The following ITGA11 variants were observed in gnomAD, a reference collection of about 807,000 sequenced individuals.
The protein encoded by ITGA11 is integrin subunit alpha 11, also known as integrin alpha-11.
A neutral mutation model predicts 141.9 loss-of-function variants in ITGA11; 97 were observed. That is an observed-to-expected ratio of 0.68 (90% CI 0.58 to 0.81). ITGA11 has a LOEUF of 0.81. Ranked by LOEUF, ITGA11 falls within the 30% of genes least tolerant of loss-of-function variation. The pLI is 0.00. For missense variants in ITGA11, 1,387 were observed against 1,559.2 expected, an observed-to-expected ratio of 0.89 and a Z score of 1.86; for synonymous variants, 658 against 624.6, an observed-to-expected ratio of 1.05 and a Z score of -0.80.
At position 68,322,753 on chromosome 15, in the gene ITGA11, C is replaced by T. The variant is rs552423463; in HGVS notation, c.2323-1250G>A. Among the ~76,000 whole-genome samples, 120 of 151,532 alleles carry T rather than the reference C, an allele frequency of 7.9e-4. No individual in the cohort carries two copies. Among genetic ancestry groups the T allele is most frequent in the African/African-American group, 2.7e-3 (110 of 41,212 alleles). ...CGCAGTGGCTGCAGTCCCAGCTACT[C>T]GGGAGGCTGAGGCAGGAGAATTGCT... On this transcript the variant is annotated intron_variant, in intron 18 of 29. Transcript: ENST00000315757. The surrounding 1 kb of genome is among the most constrained non-coding windows in gnomAD (Gnocchi z 5.6).
chr15:68,332,624 A>T, intron 12 of ITGA11, 146 bp from the exon 13 acceptor site: 2 of 861,532 alleles, frequency 2.3e-6, no homozygotes, highest in Non-Finnish European at 1.8e-6. Context: ...CTCACGCGCT[A>T]CCTCTCTCTC....
Position 68,306,189 on chromosome 15 carries a change from C to CAA in ITGA11, c.3381+1157_3381+1158dup, listed in dbSNP as rs1234651031. On this transcript the variant is annotated intron_variant, in intron 28 of 29. Coordinates refer to ENST00000315757, the MANE Select transcript of ITGA11 (RefSeq NM_001004439.2). ...TGGGTGACAGAGCAAGACTCCGTCT[C>CAA]AAAAAAAAAAAAAAGGGAGTGAGGC... is the stretch of plus-strand genomic sequence containing the variant. Among the ~76,000 whole-genome samples the CAA allele has an allele frequency of 3.4e-3, 286 of 83,018 alleles. 2 individuals carry two copies. Among genetic ancestry groups the CAA allele is most frequent in the African/African-American group, 0.013 (267 of 20,950 alleles). The allele number at this position is 83,018 out of a possible 152,430, so 54.5% of individuals were successfully genotyped here.
chr15:68,382,561 C>T (rs921951178), intron 2 of ITGA11, among the ~76,000 whole-genome samples: 2 of 152,232 alleles, frequency 1.3e-5, no homozygotes, highest in Non-Finnish European at 1.5e-5. Context: ...TCCCTTTCTT[C>T]TTCACCATCT....
chr15:68,332,878 G>A (rs1164252155), intron 12 of ITGA11, among the ~76,000 whole-genome samples: 1 of 152,092 alleles, frequency 6.6e-6, no homozygotes, highest in Non-Finnish European at 1.5e-5. Flanking sequence ...TTTCCCCTGA[G>A]GCATGTTGCC....
At chr15:68,343,953 G>A (rs1000852442) in intron 10 of ITGA11, among the ~76,000 whole-genome samples, 2 of 152,142 alleles carry the variant, frequency 1.3e-5, no homozygotes, top group Admixed American at 6.5e-5. Context: ...GCTGGAATCC[G>A]GCAGCTGGGG....
intron 4 of ITGA11, among the ~76,000 whole-genome samples, chr15:68,363,709 T>C (rs1895324747): frequency 6.6e-6 from 1 of 152,172 alleles, no homozygotes; most frequent in South Asian, 2.1e-4. Context: ...CCTGCAACTG[T>C]TTCTAGGAAC....
rs1893142761 is a variant in ITGA11 at position 68,304,902 on chromosome 15, G to A, written c.3382-1017C>T. Among the ~76,000 whole-genome samples, 1 of 152,224 alleles carries A rather than the reference G, an allele frequency of 6.6e-6. No homozygotes were observed. Among genetic ancestry groups the A allele is most frequent in the African/African-American group, 2.4e-5 (1 of 41,460 alleles). Reference sequence around the variant, plus strand: ...GCCACCACTCCCACCTCCTGGGCCTGAGTGCCCTCACATCTCCTCTGGAGA... The same window carrying A: ...GCCACCACTCCCACCTCCTGGGCCTAAGTGCCCTCACATCTCCTCTGGAGA... On this transcript the variant is annotated intron_variant, in intron 28 of 29. Coordinates refer to ENST00000315757, the MANE Select transcript of ITGA11 (RefSeq NM_001004439.2). This position sits in a 1 kb window ranked among gnomAD's most constrained non-coding sequence, Gnocchi z 6.1.
At chr15:68,349,189 T>C (rs1001300047) in intron 9 of ITGA11, among the ~76,000 whole-genome samples, 9 of 152,256 alleles carry the variant, frequency 5.9e-5, no homozygotes, top group African/African-American at 1.9e-4. Flanking sequence ...TTACAGGGCA[T>C]GTATACTATG....
intron 2 of ITGA11, among the ~76,000 whole-genome samples, chr15:68,392,793 C>T (rs1896151340): frequency 1.3e-5 from 2 of 152,128 alleles, no homozygotes; most frequent in African/African-American, 4.8e-5. Flanking sequence ...GTAAAGACCA[C>T]ATCCTAGGAA....
chr15:68,387,007 G>A (rs536179120), intron 2 of ITGA11, among the ~76,000 whole-genome samples: 1 of 152,268 alleles, frequency 6.6e-6, no homozygotes, highest in Non-Finnish European at 1.5e-5. Flanking sequence ...GTAAAGAGGG[G>A]AAGGAAGAAC....
intron 2 of ITGA11, among the ~76,000 whole-genome samples, chr15:68,370,369 A>G (rs1245180342): frequency 6.6e-6 from 1 of 152,112 alleles, no homozygotes; most frequent in East Asian, 1.9e-4. Context: ...ACTCACCCCC[A>G]CTGATGCTGG....
intron 9 of ITGA11, among the ~76,000 whole-genome samples, chr15:68,350,252 T>C (rs1486921980): frequency 6.6e-6 from 1 of 152,132 alleles, no homozygotes; most frequent in Non-Finnish European, 1.5e-5. Context: ...TGGCATGATA[T>C]CAGCTCACTG....
At position 68,333,736 on chromosome 15, in the gene ITGA11, A is replaced by C. The variant is rs1894255349; in HGVS notation, c.1426-1258T>G. On this transcript the variant is annotated intron_variant, in intron 12 of 29. Transcript: ENST00000315757. The surrounding 1 kb of genome is among the most constrained non-coding windows in gnomAD (Gnocchi z 4.2). ...CCCATGGCAGCTGGCGTGGCCTCTA[A>C]CACCACTCCACCTCTTGCTTTTGGG... Among the ~76,000 whole-genome samples the C allele has an allele frequency of 6.6e-6, 1 of 152,010 alleles. No individual in the cohort carries two copies. Among genetic ancestry groups the C allele is most frequent in the South Asian group, 2.1e-4 (1 of 4,828 alleles).
At chr15:68,319,157 T>C (rs1163225390) in intron 20 of ITGA11, among the ~76,000 whole-genome samples, 2 of 152,226 alleles carry the variant, frequency 1.3e-5, no homozygotes, top group Non-Finnish European at 2.9e-5. Context: ...CTTTGTCACA[T>C]AGCGCAGGCT....
At chr15:68,309,029 A>C (rs1595850056) in intron 26 of ITGA11, among the ~76,000 whole-genome samples, 1 of 152,244 alleles carries the variant, frequency 6.6e-6, no homozygotes, top group East Asian at 1.9e-4. Flanking sequence ...GCTGCAGAAA[A>C]GAGCAGAACT....
intron 11 of ITGA11, chr15:68,336,186 G>A (rs1314798112): frequency 3.3e-6 from 1 of 306,752 alleles, no homozygotes; most frequent in Non-Finnish European, 6.1e-6. Flanking sequence ...AGGGCAATGG[G>A]GAGTAGGGCA....
In ITGA11 at chr15:68,306,918, A is replaced by G. The variant is rs139953718; in HGVS notation, c.3381+430T>C. ...TTTGCTTGCTTGCTTTCTTTTACAAATTTATTTCTTTTCTTTTTTCTTCCT... is the reference window on the plus strand; with the variant it reads ...TTTGCTTGCTTGCTTTCTTTTACAAGTTTATTTCTTTTCTTTTTTCTTCCT... On this transcript the variant is annotated intron_variant, in intron 28 of 29. Coordinates refer to ENST00000315757, the MANE Select transcript of ITGA11 (RefSeq NM_001004439.2). Among the ~76,000 whole-genome samples the G allele has an allele frequency of 5.2e-3, 790 of 152,210 alleles. 6 individuals are homozygous for G. The highest frequency in any genetic ancestry group is 0.018 in the African/African-American group (745 of 41,528).
At chr15:68,312,195 G>A (rs533984824) in intron 24 of ITGA11, among the ~76,000 whole-genome samples, 1 of 152,220 alleles carries the variant, frequency 6.6e-6, no homozygotes, top group Non-Finnish European at 1.5e-5. Context: ...CGAGACAAAA[G>A]GCCACATTTC....
intron 24 of ITGA11, 53 bp downstream of exon 24, chr15:68,312,720 G>A (rs2140274544): frequency 1.5e-6 from 2 of 1,331,570 alleles, no homozygotes; most frequent in African/African-American, 1.4e-5. Flanking sequence ...CTCCAGGATG[G>A]GGGTGCTCAG....
Sources: allele counts gnomAD v4.1 joint callset (sites outside exome capture counted in the v4.1 genomes callset), GRCh38; gene constraint gnomAD v4.1.1; non-coding constraint Gnocchi (gnomAD v3.1); transcripts MANE v1.5; gene names NCBI Gene and HGNC (gene_info 2026-07-23, HGNC 2026-07-21).